Variants in MORN1 observed in about 807,000 individuals in gnomAD.
MORN1 encodes the protein MORN repeat containing 1.
A neutral mutation model predicts 61.9 loss-of-function variants in MORN1; 67 were observed. The observed-to-expected ratio is 1.08, with a 90% confidence interval of 0.89 to 1.33. MORN1 has a LOEUF of 1.33. Ranked by LOEUF, MORN1 falls within the 40% of genes most tolerant of loss-of-function variation. The pLI is 0.00. For missense variants in MORN1, 752 were observed against 691.2 expected (o/e 1.09, Z -0.99); for synonymous variants, 301 against 292.0 (o/e 1.03, Z -0.31).
intron 3 of MORN1, chr1:2,387,968 G>A (rs1218870445): frequency 4.2e-6 from 2 of 472,770 alleles, no homozygotes; most frequent in African/African-American, 3.9e-5. Flanking sequence ...GGGATACAAT[G>A]TGGCTGAAAT....
intron 12 of MORN1, among the ~76,000 whole-genome samples, chr1:2,325,121 CCCTT>C (rs1241428480): frequency 1.7e-4 from 15 of 86,734 alleles, no homozygotes; most frequent in African/African-American, 1.0e-3. Flanking sequence ...TCCCTTCCTT[CCCTT>C]CCTTCCTTCC....
chr1:2,334,510 A>C lies in MORN1; in HGVS notation c.1250+1959T>G, dbSNP rs1337863608. Among the ~76,000 whole-genome samples the C allele has an allele frequency of 6.6e-6, 1 of 152,176 alleles. No homozygotes were observed. Among genetic ancestry groups the C allele is most frequent in the Non-Finnish European group, 1.5e-5 (1 of 68,020 alleles). On this transcript the variant is annotated intron_variant, in intron 12 of 13. Coordinates refer to ENST00000378531, the MANE Select transcript of MORN1 (RefSeq NM_024848.3). This position sits in a 1 kb window ranked among gnomAD's most constrained non-coding sequence, Gnocchi z 5.4. Reference sequence around the variant, plus strand: ...CAGAAGACGTAGTAAGGCCAGCTGCATGGAGAGGCGGGGCTCCCTTGGGGG... The same window carrying C: ...CAGAAGACGTAGTAAGGCCAGCTGCCTGGAGAGGCGGGGCTCCCTTGGGGG...
chr1:2,325,224 C>G (rs1311350294), intron 12 of MORN1, among the ~76,000 whole-genome samples: 2 of 107,356 alleles, frequency 1.9e-5, no homozygotes, highest in Non-Finnish European at 3.8e-5. Context: ...TCTTTTCTTT[C>G]TCTCTTGTTC....
intron 10 of MORN1, among the ~76,000 whole-genome samples, chr1:2,344,556 AG>A (rs371393670): frequency 9.9e-5 from 15 of 152,256 alleles, no homozygotes; most frequent in African/African-American, 3.6e-4. Context: ...GTTCCTCTGG[AG>A]GGGGGTCCCG....
rs1023171935 is a variant in MORN1, at chr1:2,388,255, C to T, written c.231G>A (p.Arg77=). The change falls in exon 3 of 14, where the codon CGG becomes CGA. Residue 77 remains arginine (R), a synonymous_variant. Transcript: ENST00000378531. ...AGAGCTCACCTGACCAGGCCCAGTG[C>T]CGGCGGCCTTCTCCCGTGATCTCTC... is the stretch of plus-strand genomic sequence containing the variant. ...VDGEITGEGR[R]HWAWSGDTFS... 6.2e-6 allele frequency: 10 copies of T among 1,613,736 alleles called. No homozygotes were observed. Among genetic ancestry groups the T allele is most frequent in the African/African-American group, 1.3e-5 (1 of 75,046 alleles).
In MORN1 at chr1:2,372,873, G is replaced by A. The variant is rs1642152946; in HGVS notation, c.635-282C>T. ...CACGGAGCATGCAAGAGACACAAGT[G>A]GGCGGTGTGGGGCTGTTGGGTTTTC... On this transcript the variant is annotated intron_variant, in intron 7 of 13. Transcript: ENST00000378531. This position sits in a 1 kb window ranked among gnomAD's most constrained non-coding sequence, Gnocchi z 5.4. Among the ~76,000 whole-genome samples the A allele has an allele frequency of 6.6e-6, 1 of 152,244 alleles. No individual in the cohort carries two copies. The highest frequency in any genetic ancestry group is 2.4e-5 in the African/African-American group (1 of 41,470).
chr1:2,379,181 G>A (rs1326787925), intron 6 of MORN1: 3 of 470,948 alleles, frequency 6.4e-6, no homozygotes, highest in South Asian at 3.1e-5. Flanking sequence ...CTGGGTAGCA[G>A]CCGATGTCTC....
chr1:2,322,315 C>G, intron 13 of MORN1: 37 of 985,420 alleles, frequency 3.8e-5, no homozygotes, highest in Non-Finnish European at 4.3e-5. Flanking sequence ...GGAAAAAGCG[C>G]CTCGGCTGGC....
intron 8 of MORN1, among the ~76,000 whole-genome samples, chr1:2,369,161 C>T (rs1029795035): frequency 6.6e-5 from 10 of 151,528 alleles, no homozygotes; most frequent in Admixed American, 6.6e-4. Context: ...ATCATCCTGG[C>T]TAGCAGGGTG....
intron 12 of MORN1, chr1:2,326,408 CAG>C (rs1485483646): frequency 8.5e-5 from 13 of 152,088 alleles, no homozygotes; most frequent in Non-Finnish European, 1.6e-4. Flanking sequence ...ACAGAACCCC[CAG>C]GGCTTTGAGA....
chr1:2,384,382 C>A (rs182585727), intron 6 of MORN1, among the ~76,000 whole-genome samples: 1 of 152,338 alleles, frequency 6.6e-6, no homozygotes, highest in African/African-American at 2.4e-5. Flanking sequence ...CTAGTCCCTG[C>A]CTTGTAGGGC....
At chr1:2,328,667 C>G (rs1271470995) in intron 12 of MORN1, among the ~76,000 whole-genome samples, 1 of 152,194 alleles carries the variant, frequency 6.6e-6, no homozygotes, top group Admixed American at 6.5e-5. Flanking sequence ...CTGGGGCCAG[C>G]TTGGAAACTG....
Position 2,387,455 on chromosome 1 carries a change from AT to A in MORN1, c.321del (p.Cys108ValfsTer111), listed in dbSNP as rs1450314900. On this transcript the variant is annotated frameshift_variant, in exon 4 of 14. Coordinates refer to ENST00000378531, the MANE Select transcript of MORN1 (RefSeq NM_024848.3). LOFTEE classifies it high-confidence loss of function. ...GYGVMEYKAGGCYEGEVSHGM... is the reference protein window; with the variant it reads ...GYGVMEYKAGXCYEGEVSHGM... The stretch of plus-strand genomic sequence containing the variant: ...CCGTGGGAGACCTCCCCTTCATAAC[AT>A]CCGCCGGCTTTGTACTCCATGACGC... 1 of 1,613,708 alleles carries A rather than the reference AT, an allele frequency of 6.2e-7. No individual in the cohort carries two copies. Among genetic ancestry groups the A allele is most frequent in the South Asian group, 1.1e-5 (1 of 91,088 alleles).
chr1:2,373,299 T>C (rs1642161517), intron 7 of MORN1, among the ~76,000 whole-genome samples: 1 of 152,152 alleles, frequency 6.6e-6, no homozygotes, highest in Non-Finnish European at 1.5e-5. Flanking sequence ...TGCCCCGGAC[T>C]TCATGGTAAT....
At chr1:2,389,185 G>C (rs1642583359) in intron 2 of MORN1, among the ~76,000 whole-genome samples, 1 of 152,122 alleles carries the variant, frequency 6.6e-6, no homozygotes, top group Non-Finnish European at 1.5e-5. Flanking sequence ...GAGGAGTACA[G>C]TGGCGGGAAC....
chr1:2,378,307 G>A (rs540350099), intron 6 of MORN1: 1 of 152,930 alleles, frequency 6.5e-6, no homozygotes, highest in Non-Finnish European at 1.5e-5. Context: ...CACAGGCCAT[G>A]CGTGCTCAAA....
intron 5 of MORN1, 74 bp downstream of exon 5, chr1:2,385,733 C>T (rs948058757): frequency 7.1e-7 from 1 of 1,407,230 alleles, no homozygotes; most frequent in African/African-American, 1.4e-5. Context: ...GTCTACACCC[C>T]CAGGCCACAT....
At chr1:2,325,864 A>G (rs1349526145) in intron 12 of MORN1, among the ~76,000 whole-genome samples, 1 of 152,116 alleles carries the variant, frequency 6.6e-6, no homozygotes, top group Non-Finnish European at 1.5e-5. Context: ...GGCTCAAATG[A>G]TCTTCCCACC....
chr1:2,369,568 A>G (rs187247672), intron 8 of MORN1, among the ~76,000 whole-genome samples: 1 of 152,242 alleles, frequency 6.6e-6, no homozygotes, highest in East Asian at 1.9e-4. Flanking sequence ...AACTAGTAGA[A>G]CTAATAAATG....
Sources: allele counts gnomAD v4.1 joint callset (sites outside exome capture counted in the v4.1 genomes callset), GRCh38; gene constraint gnomAD v4.1.1; non-coding constraint Gnocchi (gnomAD v3.1); transcripts MANE v1.5; gene names NCBI Gene and HGNC (gene_info 2026-07-23, HGNC 2026-07-21).